Variants in TSPAN5 observed in about 807,000 individuals in gnomAD.
TSPAN5 encodes tetraspanin 5.
Under a neutral mutation model 37.1 loss-of-function variants are expected in TSPAN5, and 10 were observed. That is an observed-to-expected ratio of 0.27 (90% confidence interval 0.17 to 0.46). The LOEUF is 0.46. TSPAN5 is among the 20% of genes least tolerant of loss of function. TSPAN5 has a pLI of 1.00. For missense variants in TSPAN5, 195 were observed against 326.6 expected (o/e 0.60, Z 3.11); for synonymous variants, 110 against 118.9 (o/e 0.93, Z 0.48).
intron 1 of TSPAN5, among the ~76,000 whole-genome samples, chr4:98,533,962 A>AAAAAAAAAAAAC (rs70955935): frequency 6.8e-6 from 1 of 147,164 alleles, no homozygotes; most frequent in African/African-American, 2.5e-5. Flanking sequence ...AAAAAAAAAA[A>AAAAAAAAAAAAC]CCAGCTCCTG....
chr4:98,573,589 A>T (rs1755172274), intron 1 of TSPAN5, among the ~76,000 whole-genome samples: 1 of 152,222 alleles, frequency 6.6e-6, no homozygotes, highest in Admixed American at 6.5e-5. Flanking sequence ...GATAACAACT[A>T]CAAGAGAATC....
At chr4:98,528,294 T>C (rs539965810) in intron 1 of TSPAN5, among the ~76,000 whole-genome samples, 3 of 152,322 alleles carry the variant, frequency 2.0e-5, no homozygotes, top group South Asian at 4.1e-4. Context: ...AAAATATTCC[T>C]TAAATATGCA....
Position 98,516,059 on chromosome 4 carries a change from T to C in TSPAN5, c.82-8331A>G, listed in dbSNP as rs78756830. Among the ~76,000 whole-genome samples the C allele has an allele frequency of 6.5e-3, 988 of 152,266 alleles. 6 individuals carry two copies. Among genetic ancestry groups the C allele is most frequent in the Non-Finnish European group, 9.9e-3 (672 of 68,024 alleles). On this transcript the variant is annotated intron_variant, in intron 1 of 7. Coordinates refer to ENST00000305798, the MANE Select transcript of TSPAN5 (RefSeq NM_005723.4). Reference sequence around the variant, plus strand: ...AATGGGTTTGGTTTCATTGTGCCTATTTTTTTACAGAATCCTTTCAGAAGA... The same window carrying C: ...AATGGGTTTGGTTTCATTGTGCCTACTTTTTTACAGAATCCTTTCAGAAGA...
At chr4:98,620,467 T>C (rs897337047) in intron 1 of TSPAN5, among the ~76,000 whole-genome samples, 1 of 152,216 alleles carries the variant, frequency 6.6e-6, no homozygotes, top group African/African-American at 2.4e-5. Flanking sequence ...CTAGGCCGTC[T>C]CTATTCCTGA....
rs1456403167 is a variant in TSPAN5, at chr4:98,482,110, G to T, written c.345C>A (p.Phe115Leu). Residue 115 changes from phenylalanine (F) to leucine (L), a missense_variant, in exon 4 of 8, where the codon TTC becomes TTA. Coordinates refer to ENST00000305798, the MANE Select transcript of TSPAN5 (RefSeq NM_005723.4). ...ELTAGVLAFV[F>L]KDWIKDQLYF... ...ACAGCTGGTCTTTGATCCAGTCTTT[G>T]AAAACAAATGCTAGAACTCCGGCAG... The T allele has an allele frequency of 7.4e-6, 12 of 1,613,978 alleles. No homozygotes were observed. In the East Asian group the frequency reaches 2.5e-4, roughly 33 times the overall value.
At chr4:98,495,779 A>G (rs939550285) in intron 2 of TSPAN5, among the ~76,000 whole-genome samples, 1 of 151,114 alleles carries the variant, frequency 6.6e-6, no homozygotes, top group Non-Finnish European at 1.5e-5. Flanking sequence ...TTTTTTTTTC[A>G]TCACCAGCAC....
rs1752605644 is a variant in TSPAN5 at position 98,472,330 on chromosome 4, G to C, written c.*192C>G. 8.2e-6 allele frequency: 4 copies of C among 486,398 alleles called. No individual in the cohort carries two copies. In the South Asian group the frequency reaches 1.6e-4, roughly 19 times the overall value. 30.1% of individuals were successfully genotyped at this position (486,398 alleles called of 1,614,324 possible). On this transcript the variant is annotated 3_prime_UTR_variant, in exon 8 of 8. Transcript: ENST00000305798. ...TCACGGCGCAACGACTTTCATACTG[G>C]TTATTTTTTTTTTTAATTCTGTCAG...
intron 1 of TSPAN5, chr4:98,657,727 T>C (rs888397725): frequency 3.1e-5 from 8 of 258,524 alleles, no homozygotes; most frequent in Admixed American, 1.1e-4. Flanking sequence ...AGATCGTTGT[T>C]AGAAGGTGGA....
intron 1 of TSPAN5, among the ~76,000 whole-genome samples, chr4:98,565,666 T>C (rs535614782): frequency 6.6e-6 from 1 of 152,340 alleles, no homozygotes; most frequent in South Asian, 2.1e-4. Context: ...ATACTTGTTA[T>C]GGGGACCAAA....
At chr4:98,515,719 C>G (rs1315150080) in intron 1 of TSPAN5, among the ~76,000 whole-genome samples, 1 of 151,300 alleles carries the variant, frequency 6.6e-6, no homozygotes, top group Non-Finnish European at 1.5e-5. Flanking sequence ...ATCCGGCCTC[C>G]CATTTATCTT....
intron 1 of TSPAN5, among the ~76,000 whole-genome samples, chr4:98,633,925 CA>C (rs1756800590): frequency 6.6e-6 from 1 of 151,822 alleles, no homozygotes; most frequent in Admixed American, 6.6e-5. Flanking sequence ...ACTAAAAATA[CA>C]AAATTAGCCA....
chr4:98,472,629 A>C (rs200264658), intron 7 of TSPAN5, 42 bp from the exon 8 acceptor site: 1 of 1,550,718 alleles, frequency 6.4e-7, no homozygotes, highest in Non-Finnish European at 8.9e-7. Context: ...TGACACTTGT[A>C]ACTTGTTTCC....
At chr4:98,599,115 A>G (rs1755824929) in intron 1 of TSPAN5, among the ~76,000 whole-genome samples, 1 of 152,216 alleles carries the variant, frequency 6.6e-6, no homozygotes, top group Admixed American at 6.5e-5. Context: ...CATATAGATT[A>G]TAATCTAAAA....
intron 1 of TSPAN5, 96 bp downstream of exon 1, chr4:98,658,050 G>C: frequency 1.8e-6 from 2 of 1,096,916 alleles, no homozygotes; most frequent in South Asian, 1.2e-5. Context: ...AAGCGCCTGC[G>C]GGGCTGCGAA....
chr4:98,635,918 G>C (rs1021877425), intron 1 of TSPAN5, among the ~76,000 whole-genome samples: 1 of 152,196 alleles, frequency 6.6e-6, no homozygotes, highest in Non-Finnish European at 1.5e-5. Context: ...CTAAATAATA[G>C]GGTAGGGATA....
rs144606439 is a variant in TSPAN5, at chr4:98,607,983, T to C, written c.81+50163A>G. Among the ~76,000 whole-genome samples the C allele has an allele frequency of 3.9e-3, 588 of 152,274 alleles. 2 individuals are homozygous for C. The highest frequency in any genetic ancestry group is 0.013 in the African/African-American group (550 of 41,562). ...GCCTCGGGCTCCCAAAGTGCTGGGA[T>C]TACAGGCATGAGCCACTGCGCCGGG... On this transcript the variant is annotated intron_variant, in intron 1 of 7. Coordinates refer to ENST00000305798, the MANE Select transcript of TSPAN5 (RefSeq NM_005723.4).
intron 1 of TSPAN5, among the ~76,000 whole-genome samples, chr4:98,599,511 T>C (rs1476190311): frequency 1.3e-5 from 2 of 152,218 alleles, no homozygotes; most frequent in African/African-American, 2.4e-5. Flanking sequence ...TTTTGACAAA[T>C]GCATCCAACC....
chr4:98,484,298 A>C, intron 3 of TSPAN5: 1 of 384,156 alleles, frequency 2.6e-6, no homozygotes, highest in South Asian at 2.0e-5. Context: ...ATTTTGCAGT[A>C]TCTTAGTTCC....
intron 1 of TSPAN5, among the ~76,000 whole-genome samples, chr4:98,651,216 A>C (rs2110291174): frequency 6.6e-6 from 1 of 152,336 alleles, no homozygotes; most frequent in East Asian, 1.9e-4. Context: ...CCTACCAAAG[A>C]TGCACAGCCT....
Sources: gnomAD v4.1 joint callset for allele counts (sites outside exome capture counted in the v4.1 genomes callset) on GRCh38, gnomAD v4.1.1 for gene constraint, MANE v1.5 for transcripts, NCBI Gene and HGNC (gene_info 2026-07-23, HGNC 2026-07-21) for gene names.